Variants in PRKG1 observed in about 807,000 individuals in gnomAD.
The protein encoded by PRKG1 is cGMP-dependent protein kinase 1.
PRKG1 carries 35 observed loss-of-function variants against 88.1 expected under a neutral mutation model. The observed-to-expected ratio is 0.40, with a 90% CI of 0.30 to 0.53. PRKG1 has a LOEUF of 0.53. Among genes scored for constraint, PRKG1 ranks in the 20% least tolerant of loss-of-function variants. The pLI is 0.59. For missense variants in PRKG1, 540 were observed against 839.8 expected (o/e 0.64, Z 4.41); for synonymous variants, 303 against 292.5 (o/e 1.04, Z -0.37).
intron 3 of PRKG1, among the ~76,000 whole-genome samples, chr10:51,792,376 A>C (rs958606943): frequency 6.6e-6 from 1 of 151,920 alleles, no homozygotes; most frequent in African/African-American, 2.4e-5. Context: ...GCCTCATGCC[A>C]GGGTTGTTTT....
chr10:52,104,605 A>G (rs1380756717), intron 7 of PRKG1, among the ~76,000 whole-genome samples: 1 of 152,198 alleles, frequency 6.6e-6, no homozygotes, highest in Admixed American at 6.5e-5. Context: ...ACCTCAAAAG[A>G]TGGAATACAT....
Position 52,115,919 on chromosome 10 carries a change from C to G in PRKG1, c.936-17921C>G, listed in dbSNP as rs142796459. On this transcript the variant is annotated intron_variant, in intron 7 of 17. Coordinates refer to ENST00000373980, the MANE Select transcript of PRKG1 (RefSeq NM_006258.4). The stretch of plus-strand genomic sequence containing the variant: ...CTTTAGATGAACTAAATTTAGCAGA[C>G]TTTATTTGAGCAAGGAAATGATTCA... Among the ~76,000 whole-genome samples, 1,453 of 152,016 alleles carry G rather than the reference C, an allele frequency of 9.6e-3. 21 individuals are homozygous for G. Among genetic ancestry groups the G allele is most frequent in the African/African-American group, 0.03 (1,229 of 41,472 alleles).
chr10:51,519,866 A>G (rs1841691878), intron 3 of PRKG1, among the ~76,000 whole-genome samples: 1 of 152,208 alleles, frequency 6.6e-6, no homozygotes, highest in Non-Finnish European at 1.5e-5. Context: ...CAATGACTAG[A>G]TGAGTTCACA....
At chr10:52,170,781 A>G (rs1589669783) in intron 9 of PRKG1, among the ~76,000 whole-genome samples, 1 of 152,224 alleles carries the variant, frequency 6.6e-6, no homozygotes, top group East Asian at 1.9e-4. Flanking sequence ...CTTGTTTGAC[A>G]CAATGTGACA....
chr10:51,518,210 C>T (rs1434337609), intron 3 of PRKG1, among the ~76,000 whole-genome samples: 2 of 152,148 alleles, frequency 1.3e-5, no homozygotes, highest in Non-Finnish European at 2.9e-5. Flanking sequence ...GTTGGCCAGG[C>T]TGGTCTCGAA....
chr10:51,642,922 G>C (rs1247924899), intron 3 of PRKG1, among the ~76,000 whole-genome samples: 1 of 152,044 alleles, frequency 6.6e-6, no homozygotes, highest in Non-Finnish European at 1.5e-5. Flanking sequence ...GAAATCACAA[G>C]AAAAAATACT....
At chr10:51,875,465 G>T (rs1290557801) in intron 4 of PRKG1, among the ~76,000 whole-genome samples, 1 of 151,934 alleles carries the variant, frequency 6.6e-6, no homozygotes, top group Non-Finnish European at 1.5e-5. Context: ...TAGAGACAGG[G>T]TCTCGCTATG....
At chr10:51,467,918 T>G in intron 3 of PRKG1, 82 bp downstream of exon 3, 1 of 1,096,014 alleles carries the variant, frequency 9.1e-7, no homozygotes, top group Non-Finnish European at 1.4e-6. Context: ...TGCCCATTCA[T>G]TTAATCTTTA....
chr10:51,937,128 C>T (rs1842814895), intron 5 of PRKG1, among the ~76,000 whole-genome samples: 1 of 151,930 alleles, frequency 6.6e-6, no homozygotes, highest in Non-Finnish European at 1.5e-5. Context: ...ATGAGGTACT[C>T]TCAGTACCAG....
intron 9 of PRKG1, among the ~76,000 whole-genome samples, chr10:52,167,028 A>T (rs532979447): frequency 1.3e-5 from 2 of 151,976 alleles, no homozygotes; most frequent in African/African-American, 2.4e-5. Context: ...TTTCAATTTT[A>T]TATCTTGCTT....
intron 7 of PRKG1, among the ~76,000 whole-genome samples, chr10:52,064,614 G>A (rs1181358563): frequency 1.3e-5 from 2 of 152,198 alleles, no homozygotes; most frequent in African/African-American, 4.8e-5. Flanking sequence ...CCATGACTTG[G>A]GTGGCTGCAG....
intron 5 of PRKG1, chr10:51,909,160 G>A (rs1055985014): frequency 5.3e-5 from 8 of 152,232 alleles, no homozygotes; most frequent in African/African-American, 1.9e-4. Flanking sequence ...GGATGGAGTT[G>A]TTATGAATTG....
At chr10:51,559,576 C>A (rs1483798151) in intron 3 of PRKG1, among the ~76,000 whole-genome samples, 2 of 151,964 alleles carry the variant, frequency 1.3e-5, no homozygotes, top group African/African-American at 4.8e-5. Flanking sequence ...TCCTTTGCAT[C>A]ATAAAAATAA....
At chr10:51,324,116 T>G (rs1841522787) in intron 2 of PRKG1, among the ~76,000 whole-genome samples, 1 of 152,246 alleles carries the variant, frequency 6.6e-6, no homozygotes, top group Admixed American at 6.5e-5. Flanking sequence ...ATTACAATTC[T>G]TCTAGCTATT....
intron 1 of PRKG1, among the ~76,000 whole-genome samples, chr10:51,033,196 A>G (rs1843308528): frequency 2.0e-5 from 3 of 152,074 alleles, no homozygotes; most frequent in Non-Finnish European, 4.4e-5. Context: ...GGACATCTTC[A>G]TTTGGACGTG....
chr10:51,785,728 T>A (rs1838710587), intron 3 of PRKG1, among the ~76,000 whole-genome samples: 1 of 152,102 alleles, frequency 6.6e-6, no homozygotes, highest in Non-Finnish European at 1.5e-5. Flanking sequence ...GCTCAATACA[T>A]GTCTGTATTT....
At chr10:51,961,146 C>T (rs1843437220) in intron 5 of PRKG1, among the ~76,000 whole-genome samples, 1 of 152,086 alleles carries the variant, frequency 6.6e-6, no homozygotes, top group African/African-American at 2.4e-5. Context: ...ATTATTTCTA[C>T]AGAACTAACA....
intron 1 of PRKG1, among the ~76,000 whole-genome samples, chr10:51,040,232 TTGTGTGTGTGTGTGTGTG>T (rs373057468): frequency 2.5e-5 from 3 of 117,788 alleles, no homozygotes; most frequent in South Asian, 3.4e-4. Flanking sequence ...TCCATTCCAT[TTGTGTGTGTGTGTGTGTG>T]TGTGTGTGTG....
chr10:51,468,818 C>T (rs531707158), intron 3 of PRKG1, among the ~76,000 whole-genome samples: 1 of 151,734 alleles, frequency 6.6e-6, no homozygotes, highest in Admixed American at 6.6e-5. Flanking sequence ...TTCAGAAGTA[C>T]AGCATATAAC....
Sources: allele counts gnomAD v4.1 joint callset (sites outside exome capture counted in the v4.1 genomes callset), GRCh38; gene constraint gnomAD v4.1.1; transcripts MANE v1.5; gene names NCBI Gene and HGNC (gene_info 2026-07-23, HGNC 2026-07-21).